Variants in SYT13 observed in about 807,000 individuals in gnomAD.
SYT13 encodes synaptotagmin-13.
Under a neutral mutation model 38.6 loss-of-function variants are expected in SYT13, and 21 were observed. The observed-to-expected ratio is 0.54, with a 90% CI of 0.39 to 0.78. The LOEUF (loss-of-function observed/expected upper bound fraction) is 0.78, where lower values mean the gene tolerates loss of function less well. Ranked by LOEUF, SYT13 falls within the 30% of genes least tolerant of loss-of-function variation. SYT13 has a pLI of 0.00. For missense variants in SYT13, 495 were observed against 548.7 expected, an observed-to-expected ratio of 0.90 and a Z score of 0.98; for synonymous variants, 241 against 237.6, an observed-to-expected ratio of 1.01 and a Z score of -0.13.
At chr11:45,248,826 G>A (rs1854642176) in intron 4 of SYT13, among the ~76,000 whole-genome samples, 1 of 152,138 alleles carries the variant, frequency 6.6e-6, no homozygotes. Context: ...TTTTGCATAG[G>A]GTGAGGTCTA....
chr11:45,276,546 C>T (rs1235734654), intron 1 of SYT13, among the ~76,000 whole-genome samples: 2 of 151,858 alleles, frequency 1.3e-5, no homozygotes, highest in African/African-American at 2.4e-5. Flanking sequence ...CAAACCTGCA[C>T]GTTCTGCACA....
chr11:45,243,954 A>C lies in SYT13; in HGVS notation c.*98T>G, dbSNP rs570678674. On this transcript the variant is annotated 3_prime_UTR_variant, in exon 6 of 6. Transcript: ENST00000020926. ...TCCCAGCCTTGCAAACACATCTGTC[A>C]CTGTCTTCTGGGTGTCAGAATGAGG... The C allele has an allele frequency of 6.2e-6, 8 of 1,297,418 alleles. No homozygotes were observed. In the South Asian group the frequency reaches 9.9e-5, roughly 16 times the overall value. 80.4% of individuals were successfully genotyped at this position (1,297,418 alleles called of 1,614,324 possible).
Position 45,255,704 on chromosome 11 carries a change from C to A in SYT13, c.371G>T (p.Arg124Met), listed in dbSNP as rs145069333. The A allele has an allele frequency of 2.0e-5, 33 of 1,614,008 alleles. No homozygotes were observed. The highest frequency in any genetic ancestry group is 2.7e-5 in the African/African-American group (2 of 74,902). ...PQPPNDSRLKRQVTEELFILP... is the reference protein window; with the variant it reads ...PQPPNDSRLKMQVTEELFILP... ...GATGAACAGCTCCTCTGTGACCTGC[C>A]TCTTGAGGCGACTGTCATTCGGGGG... Residue 124 changes from arginine (R) to methionine (M), a missense_variant, in exon 2 of 6, where the codon AGG (arginine) becomes ATG (methionine). Transcript: ENST00000020926.
At position 45,252,827 on chromosome 11, in the gene SYT13, C is replaced by A; in HGVS notation, c.545-105G>T. The stretch of plus-strand genomic sequence containing the variant: ...TGTGGAATCCAGCTTAACGACGTGA[C>A]CTTGGGTGTCAGAAAGGCTGACCAC... On this transcript the variant is annotated intron_variant, in intron 3 of 5. Coordinates refer to ENST00000020926, the MANE Select transcript of SYT13 (RefSeq NM_020826.3). This position sits in a 1 kb window ranked among gnomAD's most constrained non-coding sequence, Gnocchi z 4.3. 2 of 1,306,510 alleles carry A rather than the reference C, an allele frequency of 1.5e-6. No individual in the cohort carries two copies. The highest frequency in any genetic ancestry group is 2.0e-6 in the Non-Finnish European group (2 of 978,032). 80.9% of individuals were successfully genotyped at this position (1,306,510 alleles called of 1,614,324 possible).
chr11:45,241,106 A>G lies in SYT13; in HGVS notation c.*2946T>C, dbSNP rs1339263601. ...GATTACATTTACATGGAGAGCAATG[A>G]GTTGCCATTAGGCAAATAGTAATAC... On this transcript the variant is annotated 3_prime_UTR_variant, in exon 6 of 6. Coordinates refer to ENST00000020926, the MANE Select transcript of SYT13 (RefSeq NM_020826.3). The G allele has an allele frequency of 6.6e-6, 1 of 152,238 alleles. No individual in the cohort carries two copies. The highest frequency in any genetic ancestry group is 1.5e-5 in the Non-Finnish European group (1 of 68,040). 9.4% of individuals were successfully genotyped at this position (152,238 alleles called of 1,614,324 possible).
intron 1 of SYT13, among the ~76,000 whole-genome samples, chr11:45,270,301 T>A (rs1052184220): frequency 4.6e-5 from 7 of 152,102 alleles, no homozygotes; most frequent in Non-Finnish European, 1.0e-4. Context: ...TCCTTTAGAC[T>A]TTTTTTTCTT....
chr11:45,256,373 C>G (rs1854747474), intron 1 of SYT13, among the ~76,000 whole-genome samples: 1 of 152,160 alleles, frequency 6.6e-6, no homozygotes, highest in African/African-American at 2.4e-5. Flanking sequence ...TTGCTCATCT[C>G]CAGTCACTGA....
At chr11:45,250,747 C>A (rs1565377569) in intron 4 of SYT13, among the ~76,000 whole-genome samples, 1 of 151,946 alleles carries the variant, frequency 6.6e-6, no homozygotes, top group Non-Finnish European at 1.5e-5. Flanking sequence ...AAAAATGGAG[C>A]AAGGAGGAAA....
Position 45,252,399 on chromosome 11 carries a change from T to C in SYT13, c.846+22A>G. On this transcript the variant is annotated intron_variant, in intron 4 of 5. Coordinates refer to ENST00000020926, the MANE Select transcript of SYT13 (RefSeq NM_020826.3). The surrounding 1 kb of genome is among the most constrained non-coding windows in gnomAD (Gnocchi z 4.3). ...ATGCTGCACGGGCAGGTTTTACCTT[T>C]CTAACCCAGGGGTTACCCTACCTTC... 6.5e-7 allele frequency: 1 copy of C among 1,541,938 alleles called. No homozygotes were observed. Among genetic ancestry groups the C allele is most frequent in the South Asian group, 1.2e-5 (1 of 83,616 alleles).
intron 4 of SYT13, among the ~76,000 whole-genome samples, 185 bp from the exon 5 acceptor site, chr11:45,246,697 G>A (rs758343525): frequency 9.9e-5 from 15 of 152,118 alleles, no homozygotes; most frequent in East Asian, 1.9e-4. Flanking sequence ...AATTCCATGC[G>A]GCATGCGCTT....
chr11:45,269,300 C>A (rs1398297896), intron 1 of SYT13: 4 of 542,964 alleles, frequency 7.4e-6, no homozygotes, highest in Non-Finnish European at 1.1e-5. Flanking sequence ...CTGGCGGAAA[C>A]TAAATTTTAA....
chr11:45,253,761 G>A (rs567419764), intron 3 of SYT13: 2 of 150,164 alleles, frequency 1.3e-5, no homozygotes, highest in Admixed American at 6.6e-5. Flanking sequence ...TGGCAGAGAC[G>A]ACTAGTTCTT....
At chr11:45,282,043 G>A (rs1329053379) in intron 1 of SYT13, among the ~76,000 whole-genome samples, 1 of 152,178 alleles carries the variant, frequency 6.6e-6, no homozygotes, top group African/African-American at 2.4e-5. Context: ...GCAGACAAGG[G>A]TGATGAGGAA....
At chr11:45,261,658 A>T (rs961858618) in intron 1 of SYT13, among the ~76,000 whole-genome samples, 1 of 151,130 alleles carries the variant, frequency 6.6e-6, no homozygotes, top group East Asian at 2.0e-4. Context: ...ACTCATGCCT[A>T]TAATCCCAGC....
At chr11:45,269,320 TAA>T in intron 1 of SYT13, 1 of 656,992 alleles carries the variant, frequency 1.5e-6, no homozygotes, top group African/African-American at 2.0e-5. Flanking sequence ...AAACAATTAT[TAA>T]AAAAACAAAC....
chr11:45,276,673 G>T (rs766282682), intron 1 of SYT13, among the ~76,000 whole-genome samples: 15 of 149,652 alleles, frequency 1.0e-4, no homozygotes, highest in Non-Finnish European at 1.9e-4. Context: ...AGAAAATACC[G>T]CAAAGAGATA....
intron 5 of SYT13, among the ~76,000 whole-genome samples, chr11:45,246,028 C>G (rs1854609982): frequency 6.6e-6 from 1 of 152,196 alleles, no homozygotes; most frequent in Admixed American, 6.5e-5. Context: ...CCCGACAGCC[C>G]AGGCCCTTCA....
At chr11:45,284,096 G>C (rs945032439) in intron 1 of SYT13, among the ~76,000 whole-genome samples, 4 of 152,088 alleles carry the variant, frequency 2.6e-5, no homozygotes, top group African/African-American at 9.7e-5. Context: ...AAAATGAAGG[G>C]GCAGAAAAGG....
chr11:45,283,151 A>G (rs896389373), intron 1 of SYT13, among the ~76,000 whole-genome samples: 5 of 152,214 alleles, frequency 3.3e-5, no homozygotes, highest in African/African-American at 1.2e-4. Context: ...TTATGTAAAA[A>G]ATAAACAAAA....
Sources: allele counts gnomAD v4.1 joint callset (sites outside exome capture counted in the v4.1 genomes callset), GRCh38; gene constraint gnomAD v4.1.1; non-coding constraint Gnocchi (gnomAD v3.1); transcripts MANE v1.5; gene names NCBI Gene and HGNC (gene_info 2026-07-23, HGNC 2026-07-21).